Variants in REDIC1 observed in about 807,000 individuals in gnomAD.
REDIC1 encodes regulator of DNA class I crossover intermediates 1.
the REDIC1 span, among the ~76,000 whole-genome samples, chr12:39,653,407 T>C: frequency 6.6e-6 from 1 of 151,906 alleles, no homozygotes; most frequent in African/African-American, 2.4e-5. Flanking sequence ...ATTCTAGTAA[T>C]AGTTGAGTAG....
chr12:39,733,989 A>G, the REDIC1 span, among the ~76,000 whole-genome samples: 1 of 152,138 alleles, frequency 6.6e-6, no homozygotes, highest in Non-Finnish European at 1.5e-5. Context: ...TGTCTGCCCA[A>G]ATAGGGTGCC....
chr12:39,657,862 A>G, the REDIC1 span, among the ~76,000 whole-genome samples: 2 of 152,012 alleles, frequency 1.3e-5, no homozygotes, highest in Non-Finnish European at 1.5e-5. Context: ...TAAAAATTGC[A>G]TTGAATTCTG....
At chr12:39,890,830 G>A in the REDIC1 span, among the ~76,000 whole-genome samples, 1 of 151,948 alleles carries the variant, frequency 6.6e-6, no homozygotes, top group Admixed American at 6.6e-5. Context: ...ATTCTATACA[G>A]CTATGAAAAA....
the REDIC1 span, among the ~76,000 whole-genome samples, chr12:39,829,187 C>G: frequency 1.1e-4 from 17 of 151,868 alleles, no homozygotes; most frequent in African/African-American, 4.1e-4. Flanking sequence ...GTTCATAAAT[C>G]TGGAGAATAT....
the REDIC1 span, among the ~76,000 whole-genome samples, chr12:39,711,731 G>GTGTATGTGTGTATACACATGCA: frequency 2.2e-4 from 2 of 9,242 alleles, no homozygotes; most frequent in Admixed American, 1.3e-3. Context: ...GCACATGCAT[G>GTGTATGTGTGTATACACATGCA]TGTGTATGTG....
chr12:39,704,898 A>T, the REDIC1 span, among the ~76,000 whole-genome samples: 2 of 152,042 alleles, frequency 1.3e-5, no homozygotes, highest in Non-Finnish European at 2.9e-5. Flanking sequence ...CAGGAAGGGG[A>T]ACATCACACT....
chr12:39,813,044 C>T, the REDIC1 span, among the ~76,000 whole-genome samples: 1 of 89,674 alleles, frequency 1.1e-5, no homozygotes, highest in African/African-American at 4.2e-5. Flanking sequence ...GGGGTTTCAC[C>T]ATGTTGGCCA....
chr12:39,681,283 A>AC, the REDIC1 span, among the ~76,000 whole-genome samples: 1 of 152,100 alleles, frequency 6.6e-6, no homozygotes, highest in Non-Finnish European at 1.5e-5. Flanking sequence ...CCACACACAC[A>AC]AAAAAGATTG....
At chr12:39,650,140 T>C in the REDIC1 span, 2 of 1,212,528 alleles carry the variant, frequency 1.6e-6, no homozygotes, top group South Asian at 4.9e-5. The surrounding 1 kb of genome is among the most constrained non-coding windows in gnomAD (Gnocchi z 4.3). Flanking sequence ...TTTTAAAATA[T>C]AAATGTAGTT....
chr12:39,649,894 T>C, the REDIC1 span, among the ~76,000 whole-genome samples: 1 of 152,088 alleles, frequency 6.6e-6, no homozygotes, highest in African/African-American at 2.4e-5. Context: ...TGGGACAAAT[T>C]ATTGTTTTCT....
the REDIC1 span, among the ~76,000 whole-genome samples, chr12:39,898,069 T>C: frequency 6.6e-6 from 1 of 152,118 alleles, no homozygotes; most frequent in Admixed American, 6.6e-5. Context: ...GAGGAGGCTT[T>C]AGCAAACAAT....
chr12:39,727,596 G>T, the REDIC1 span, among the ~76,000 whole-genome samples: 1 of 151,902 alleles, frequency 6.6e-6, no homozygotes, highest in East Asian at 1.9e-4. Context: ...GGTTGTCTTG[G>T]CTATACGGGC....
chr12:39,650,171 G>A, the REDIC1 span: 36 of 1,324,658 alleles, frequency 2.7e-5, no homozygotes, highest in East Asian at 1.0e-3. The surrounding 1 kb of genome is among the most constrained non-coding windows in gnomAD (Gnocchi z 4.3). Flanking sequence ...ACATTTTATG[G>A]TAAATAATTT....
the REDIC1 span, among the ~76,000 whole-genome samples, chr12:39,814,876 T>C: frequency 0.029 from 4,351 of 152,302 alleles, 205 homozygotes; most frequent in African/African-American, 0.097. Flanking sequence ...ATCAATCGCT[T>C]TATCCTCTTA....
At chr12:39,695,674 A>T in the REDIC1 span, among the ~76,000 whole-genome samples, 1 of 151,910 alleles carries the variant, frequency 6.6e-6, no homozygotes, top group Non-Finnish European at 1.5e-5. Flanking sequence ...GGCCTGGGGG[A>T]ACTTGACACC....
chr12:39,815,095 C>A, the REDIC1 span, among the ~76,000 whole-genome samples: 1 of 151,858 alleles, frequency 6.6e-6, no homozygotes, highest in African/African-American at 2.4e-5. Flanking sequence ...AAATAAATGA[C>A]CCAAGGCCAT....
chr12:39,654,962 T>C, the REDIC1 span, among the ~76,000 whole-genome samples: 1 of 152,232 alleles, frequency 6.6e-6, no homozygotes. Flanking sequence ...ATTGTGGTAA[T>C]TTGTGTTTTA....
chr12:39,714,088 T>C, the REDIC1 span, among the ~76,000 whole-genome samples: 1 of 8,092 alleles, frequency 1.2e-4, no homozygotes, highest in African/African-American at 2.1e-4. Flanking sequence ...TATACACATA[T>C]ATGTACATGT....
At chr12:39,649,859 A>G in the REDIC1 span, among the ~76,000 whole-genome samples, 8 of 152,038 alleles carry the variant, frequency 5.3e-5, no homozygotes, top group African/African-American at 1.4e-4. Context: ...AAATGGAACA[A>G]CTGAGACAAG....
Sources: gnomAD v4.1 joint callset for allele counts (sites outside exome capture counted in the v4.1 genomes callset) on GRCh38, gnomAD v4.1.1 for gene constraint, Gnocchi (gnomAD v3.1) non-coding constraint, MANE v1.5 for transcripts, NCBI Gene and HGNC (gene_info 2026-07-23, HGNC 2026-07-21) for gene names.